The following SLC35F1 variants were observed in gnomAD, a reference collection of about 807,000 sequenced individuals.
SLC35F1 encodes the protein chromosome 6 open reading frame 169.
In SLC35F1, 14 loss-of-function variants were observed where a neutral mutation model predicts 48.7. The ratio of observed to expected loss-of-function variants is 0.29; its 90% CI spans 0.19 to 0.45. SLC35F1 has a LOEUF of 0.45. Ranked by LOEUF, SLC35F1 falls within the 20% of genes least tolerant of loss-of-function variation. SLC35F1 has a pLI of 1.00. For missense variants in SLC35F1, 404 were observed against 500.0 expected, an observed-to-expected ratio of 0.81 and a Z score of 1.83; for synonymous variants, 190 against 202.2, an observed-to-expected ratio of 0.94 and a Z score of 0.51.
chr6:117,925,037 G>A (rs1776010626), intron 1 of SLC35F1, among the ~76,000 whole-genome samples: 1 of 152,168 alleles, frequency 6.6e-6, no homozygotes. Flanking sequence ...GAAGCCACCT[G>A]AGAAAGAGAA....
chr6:118,002,464 G>T (rs1365769315), intron 1 of SLC35F1, among the ~76,000 whole-genome samples: 1 of 151,912 alleles, frequency 6.6e-6, no homozygotes, highest in Admixed American at 6.6e-5. Context: ...GGTAGGGGGA[G>T]GGGGAGGGAT....
At chr6:118,223,738 T>C (rs1322737974) in intron 2 of SLC35F1, among the ~76,000 whole-genome samples, 1 of 152,226 alleles carries the variant, frequency 6.6e-6, no homozygotes, top group Non-Finnish European at 1.5e-5. Context: ...CACTCCATCT[T>C]GCTAATTTCC....
intron 2 of SLC35F1, among the ~76,000 whole-genome samples, chr6:118,162,699 C>G (rs534856579): frequency 1.3e-5 from 2 of 152,322 alleles, no homozygotes; most frequent in Non-Finnish European, 2.9e-5. Flanking sequence ...TTCCCACTTC[C>G]TTGTGGCATC....
chr6:118,303,178 G>A (rs765522038), intron 7 of SLC35F1, among the ~76,000 whole-genome samples: 4 of 152,040 alleles, frequency 2.6e-5, no homozygotes, highest in Non-Finnish European at 5.9e-5. Context: ...TTGTCAAGGG[G>A]TTTCCTCCTT....
Position 117,995,601 on chromosome 6 carries a change from T to G in SLC35F1, c.173+87702T>G, listed in dbSNP as rs568367651. ...ACTAAAAATACAAAAATTAGCTGGG[T>G]GTGGTCGTGGGCACCTGTAATCCCA... On this transcript the variant is annotated intron_variant, in intron 1 of 7. Transcript: ENST00000360388. Among the ~76,000 whole-genome samples the G allele has an allele frequency of 9.2e-5, 14 of 151,924 alleles. No individual in the cohort carries two copies. The East Asian group carries it at 2.5e-3, about 27-fold the overall frequency.
At chr6:118,301,021 TC>T (rs1776249810) in intron 7 of SLC35F1, among the ~76,000 whole-genome samples, 1 of 152,132 alleles carries the variant, frequency 6.6e-6, no homozygotes, top group Non-Finnish European at 1.5e-5. Flanking sequence ...TACTGGTGTT[TC>T]CTTTGTGTTC....
Position 118,275,448 on chromosome 6 carries a change from T to C in SLC35F1, c.638-11T>C. On this transcript the variant is annotated splice_polypyrimidine_tract_variant and intron_variant, in intron 4 of 7. Coordinates refer to ENST00000360388, the MANE Select transcript of SLC35F1 (RefSeq NM_001029858.4). Reference sequence around the variant, plus strand: ...ATGCTCCCTCTGTTTGTTTGTTTGGTTGGTTCCTAGGGGAAAATAAGCTGG... The same window carrying C: ...ATGCTCCCTCTGTTTGTTTGTTTGGCTGGTTCCTAGGGGAAAATAAGCTGG... 1 of 1,602,856 alleles carries C rather than the reference T, an allele frequency of 6.2e-7. No homozygotes were observed. The highest frequency in any genetic ancestry group is 1.1e-5 in the South Asian group (1 of 88,654).
intron 2 of SLC35F1, among the ~76,000 whole-genome samples, chr6:118,162,158 A>C (rs1242038744): frequency 6.6e-6 from 1 of 152,228 alleles, no homozygotes; most frequent in East Asian, 1.9e-4. Context: ...CAGTTAATTC[A>C]TGCAATGGAA....
intron 7 of SLC35F1, among the ~76,000 whole-genome samples, chr6:118,297,672 AAGT>A (rs1273182198): frequency 7.5e-6 from 1 of 134,198 alleles, no homozygotes; most frequent in South Asian, 2.3e-4. Context: ...AATATTATAT[AAGT>A]TCTGAGAAAT....
At chr6:118,019,856 T>A (rs1777371859) in intron 1 of SLC35F1, among the ~76,000 whole-genome samples, 1 of 152,216 alleles carries the variant, frequency 6.6e-6, no homozygotes, top group Admixed American at 6.5e-5. Flanking sequence ...TTCTAGTAGT[T>A]CTGTGGTCCC....
At position 118,104,117 on chromosome 6, in the gene SLC35F1, C is replaced by T. The variant is rs541242906; in HGVS notation, c.174-50328C>T. Among the ~76,000 whole-genome samples, 432 of 151,632 alleles carry T rather than the reference C, an allele frequency of 2.8e-3. 1 individual carries two copies. Among genetic ancestry groups the T allele is most frequent in the Non-Finnish European group, 5.4e-3 (366 of 67,858 alleles). On this transcript the variant is annotated intron_variant, in intron 1 of 7. Transcript: ENST00000360388. The stretch of plus-strand genomic sequence containing the variant: ...CCCTCCCCTTCCCTTCCCTTCCCTT[C>T]CCTTCCTTTCCCTTTCCTTCCCTTC...
chr6:118,154,475 G>A lies in SLC35F1; in HGVS notation c.204G>A (p.Gln68=). The part of the protein sequence containing the change: ...REMLISVALG[Q]VLSLLICGIG... ...TGTTAATCTCTGTGGCCCTAGGCCA[G>A]GTGTTATCCCTCCTTATTTGTGGAA... Residue 68 remains glutamine (Q), a synonymous_variant, in exon 2 of 8, where the codon CAG becomes CAA. Coordinates refer to ENST00000360388, the MANE Select transcript of SLC35F1 (RefSeq NM_001029858.4). 1.2e-6 allele frequency: 2 copies of A among 1,613,552 alleles called. No individual in the cohort carries two copies. The highest frequency in any genetic ancestry group is 1.7e-6 in the Non-Finnish European group (2 of 1,179,686).
rs986478357 is a variant in SLC35F1, at chr6:118,175,610, A to G, written c.349+20990A>G. ...TGTAAGTCCACATGCCATTACTCAG[A>G]TGTTTTCCACCTTAGTTTCATTGAT... On this transcript the variant is annotated intron_variant, in intron 2 of 7. Coordinates refer to ENST00000360388, the MANE Select transcript of SLC35F1 (RefSeq NM_001029858.4). Among the ~76,000 whole-genome samples the G allele has an allele frequency of 1.3e-5, 2 of 152,290 alleles. 1 individual carries two copies. Among genetic ancestry groups the G allele is most frequent in the Admixed American group, 1.3e-4 (2 of 15,278 alleles).
rs145019429 is a variant in SLC35F1 at position 118,032,636 on chromosome 6, G to A, written c.174-121809G>A. On this transcript the variant is annotated intron_variant, in intron 1 of 7. Coordinates refer to ENST00000360388, the MANE Select transcript of SLC35F1 (RefSeq NM_001029858.4). Reference sequence around the variant, plus strand: ...TTCCAACTTGATTTAACTGTTACAGGTAATTCCAGTGTGATAAAAATGATT... The same window carrying A: ...TTCCAACTTGATTTAACTGTTACAGATAATTCCAGTGTGATAAAAATGATT... Among the ~76,000 whole-genome samples, 6 of 152,222 alleles carry A rather than the reference G, an allele frequency of 3.9e-5. No homozygotes were observed. The East Asian group carries it at 1.2e-3, about 29-fold the overall frequency.
chr6:117,937,311 C>T (rs755530190), intron 1 of SLC35F1, among the ~76,000 whole-genome samples: 2 of 152,200 alleles, frequency 1.3e-5, no homozygotes, highest in African/African-American at 4.8e-5. Context: ...CAGCGCACTA[C>T]GAGGAGTTAG....
chr6:117,968,668 G>C (rs1255574493), intron 1 of SLC35F1, among the ~76,000 whole-genome samples: 1 of 152,110 alleles, frequency 6.6e-6, no homozygotes, highest in East Asian at 1.9e-4. Flanking sequence ...CCAATCTTTG[G>C]TATGTTTAAA....
chr6:118,030,369 A>G (rs535430361), intron 1 of SLC35F1, among the ~76,000 whole-genome samples: 1 of 152,302 alleles, frequency 6.6e-6, no homozygotes, highest in South Asian at 2.1e-4. Flanking sequence ...ACAGCACATT[A>G]TCATCTGTTG....
At chr6:118,127,254 T>C (rs1030035471) in intron 1 of SLC35F1, among the ~76,000 whole-genome samples, 7 of 152,098 alleles carry the variant, frequency 4.6e-5, no homozygotes, top group African/African-American at 1.7e-4. Flanking sequence ...GGTTTTTGTC[T>C]TTGGTTCTGT....
At chr6:118,045,198 CTG>C (rs1282816714) in intron 1 of SLC35F1, among the ~76,000 whole-genome samples, 2 of 152,158 alleles carry the variant, frequency 1.3e-5, no homozygotes, top group East Asian at 3.9e-4. Context: ...TTTTTGCAAT[CTG>C]GGGTTGTGTC....
Sources: gnomAD v4.1 joint callset for allele counts (sites outside exome capture counted in the v4.1 genomes callset) on GRCh38, gnomAD v4.1.1 for gene constraint, MANE v1.5 for transcripts, NCBI Gene and HGNC (gene_info 2026-07-23, HGNC 2026-07-21) for gene names.